The following KIAA1217 variants were observed in gnomAD, a reference collection of about 807,000 sequenced individuals.
KIAA1217 encodes sickle tail protein homolog.
Under a neutral mutation model 163.9 loss-of-function variants are expected in KIAA1217, and 88 were observed. The ratio of observed to expected loss-of-function variants is 0.54; its 90% CI spans 0.45 to 0.64. KIAA1217 has a LOEUF of 0.64. Ranked by LOEUF, KIAA1217 falls within the 30% of genes least tolerant of loss-of-function variation. KIAA1217 has a pLI of 0.00. For missense variants in KIAA1217, 2,372 were observed against 2,475.0 expected (o/e 0.96, Z 0.88); for synonymous variants, 903 against 923.1 (o/e 0.98, Z 0.39).
chr10:23,766,945 T>A (rs1044188313), intron 1 of KIAA1217, among the ~76,000 whole-genome samples: 1 of 152,186 alleles, frequency 6.6e-6, no homozygotes, highest in African/African-American at 2.4e-5. Flanking sequence ...TAGCAAACAT[T>A]CCATCTACCA....
intron 2 of KIAA1217, among the ~76,000 whole-genome samples, chr10:24,375,596 A>T (rs1316052041): frequency 6.6e-6 from 1 of 152,252 alleles, no homozygotes; most frequent in Non-Finnish European, 1.5e-5. Context: ...AAAGTTTCAC[A>T]AGTGAAAGAA....
At chr10:24,468,238 T>G (rs1375414398) in intron 5 of KIAA1217, among the ~76,000 whole-genome samples, 1 of 152,086 alleles carries the variant, frequency 6.6e-6, no homozygotes, top group Non-Finnish European at 1.5e-5. Flanking sequence ...TTGCCTTAGG[T>G]TGGTCCCTGT....
intron 2 of KIAA1217, among the ~76,000 whole-genome samples, chr10:24,116,649 T>C (rs2063067016): frequency 1.3e-5 from 2 of 151,976 alleles, no homozygotes; most frequent in African/African-American, 4.8e-5. Flanking sequence ...TTTTTAAATT[T>C]TTTATTGAGT....
chr10:24,289,586 G>C (rs2078897855), intron 2 of KIAA1217, among the ~76,000 whole-genome samples: 1 of 152,136 alleles, frequency 6.6e-6, no homozygotes, highest in African/African-American at 2.4e-5. Context: ...TTCCAACAAA[G>C]ATCTTCCACT....
chr10:24,197,216 T>G (rs2067029897), intron 2 of KIAA1217, among the ~76,000 whole-genome samples: 2 of 152,236 alleles, frequency 1.3e-5, no homozygotes. Context: ...TTTCAGCATC[T>G]TTTTTGATAA....
chr10:23,920,108 G>A (rs895248698), intron 1 of KIAA1217, among the ~76,000 whole-genome samples: 1 of 152,180 alleles, frequency 6.6e-6, no homozygotes, highest in African/African-American at 2.4e-5. Context: ...AGGACAAAAT[G>A]TCCTCAGCTT....
intron 1 of KIAA1217, among the ~76,000 whole-genome samples, chr10:23,969,927 T>C (rs1474243496): frequency 1.3e-5 from 2 of 152,300 alleles, no homozygotes; most frequent in Non-Finnish European, 2.9e-5. Flanking sequence ...TCTTACATGG[T>C]AGCAGGCAAG....
chr10:24,005,135 C>T (rs1564604153), intron 1 of KIAA1217, among the ~76,000 whole-genome samples: 1 of 152,188 alleles, frequency 6.6e-6, no homozygotes, highest in Non-Finnish European at 1.5e-5. Flanking sequence ...CTGCCACTTA[C>T]AGCGTGATTT....
intron 1 of KIAA1217, among the ~76,000 whole-genome samples, chr10:23,888,180 C>T (rs1427899813): frequency 6.6e-6 from 1 of 151,934 alleles, no homozygotes; most frequent in Non-Finnish European, 1.5e-5. Flanking sequence ...GAACAGCTTA[C>T]TAAACTACCT....
At chr10:24,153,106 A>G (rs1027776029) in intron 2 of KIAA1217, among the ~76,000 whole-genome samples, 1 of 152,168 alleles carries the variant, frequency 6.6e-6, no homozygotes, top group Non-Finnish European at 1.5e-5. Context: ...TTTGCCCATC[A>G]CAGGACTTCA....
At chr10:23,956,552 C>T (rs1005008430) in intron 1 of KIAA1217, among the ~76,000 whole-genome samples, 1 of 152,158 alleles carries the variant, frequency 6.6e-6, no homozygotes, top group African/African-American at 2.4e-5. Flanking sequence ...GTTGACTCTA[C>T]TGCAAAGACA....
chr10:23,833,812 G>A (rs755863130), intron 1 of KIAA1217, among the ~76,000 whole-genome samples: 2 of 151,894 alleles, frequency 1.3e-5, no homozygotes, highest in African/African-American at 4.8e-5. Flanking sequence ...TTAGATAAGT[G>A]ATATAACCTC....
intron 2 of KIAA1217, among the ~76,000 whole-genome samples, chr10:24,155,887 T>A (rs1199338386): frequency 6.6e-6 from 1 of 152,164 alleles, no homozygotes; most frequent in East Asian, 1.9e-4. Context: ...CTCTGTGACC[T>A]GAAGTTGAGC....
At chr10:24,290,264 A>G (rs1233770068) in intron 2 of KIAA1217, among the ~76,000 whole-genome samples, 2 of 152,148 alleles carry the variant, frequency 1.3e-5, no homozygotes, top group African/African-American at 4.8e-5. Flanking sequence ...CATTATCTGC[A>G]TAAGAGTGAG....
At chr10:24,283,281 C>A (rs902962288) in intron 2 of KIAA1217, among the ~76,000 whole-genome samples, 4 of 152,176 alleles carry the variant, frequency 2.6e-5, no homozygotes, top group African/African-American at 9.7e-5. Context: ...CAATATGTAG[C>A]CTTTTCAGAG....
At chr10:23,706,971 T>C (rs868437560) in intron 1 of KIAA1217, among the ~76,000 whole-genome samples, 1 of 152,212 alleles carries the variant, frequency 6.6e-6, no homozygotes, top group African/African-American at 2.4e-5. Context: ...GTATATCCTA[T>C]GTAAAGAATG....
chr10:23,892,206 C>A (rs1259155516), intron 1 of KIAA1217, among the ~76,000 whole-genome samples: 1 of 151,858 alleles, frequency 6.6e-6, no homozygotes, highest in Non-Finnish European at 1.5e-5. Flanking sequence ...AAGGGAAAAT[C>A]ATTATTAAAT....
intron 2 of KIAA1217, among the ~76,000 whole-genome samples, chr10:24,298,526 A>G (rs1002377760): frequency 3.9e-5 from 6 of 152,170 alleles, no homozygotes; most frequent in Admixed American, 2.6e-4. Context: ...AGCCGGGCGC[A>G]GTGGCTCACG....
chr10:24,299,816 G>A (rs2041092684), intron 2 of KIAA1217, among the ~76,000 whole-genome samples: 2 of 152,122 alleles, frequency 1.3e-5, no homozygotes, highest in African/African-American at 4.8e-5. Flanking sequence ...GGTTCAGCCT[G>A]CCCTGTGAAC....
Sources: gnomAD v4.1 joint callset for allele counts (sites outside exome capture counted in the v4.1 genomes callset) on GRCh38, gnomAD v4.1.1 for gene constraint, MANE v1.5 for transcripts, NCBI Gene and HGNC (gene_info 2026-07-23, HGNC 2026-07-21) for gene names.